RIMS2: variants seen among roughly 807,000 people sequenced by gnomAD.
The protein encoded by RIMS2 is regulating synaptic membrane exocytosis 2.
RIMS2 carries 59 observed loss-of-function variants against 174.4 expected under a neutral mutation model. That is an observed-to-expected ratio of 0.34 (90% CI 0.27 to 0.42). The LOEUF is 0.42. Among genes scored for constraint, RIMS2 ranks in the 10% least tolerant of loss-of-function variants. RIMS2 has a pLI of 1.00. For synonymous variants in RIMS2, 606 were observed against 572.5 expected (o/e 1.06, Z -0.84); for missense variants, 1,620 against 1,666.3 (o/e 0.97, Z 0.48).
At chr8:103,675,310 G>T (rs532205263) in intron 1 of RIMS2, among the ~76,000 whole-genome samples, 1 of 152,166 alleles carries the variant, frequency 6.6e-6, no homozygotes, top group South Asian at 2.1e-4. Flanking sequence ...TGAAGGCCAG[G>T]GCCCATCTGG....
intron 16 of RIMS2, among the ~76,000 whole-genome samples, chr8:103,977,837 A>G (rs1164718772): frequency 1.3e-5 from 2 of 152,250 alleles, no homozygotes; most frequent in East Asian, 3.8e-4. Flanking sequence ...TATAAAAGAT[A>G]TTTTTAAAAA....
At chr8:104,248,767 C>T in exon 21 of RIMS2, 1 of 1,612,728 alleles carries the variant, frequency 6.2e-7, no homozygotes. Flanking sequence ...ATGGCCTTGG[C>T]CCTGCTCAGC....
chr8:104,241,303 G>A (rs1458535551), intron 19 of RIMS2, among the ~76,000 whole-genome samples: 1 of 152,174 alleles, frequency 6.6e-6, no homozygotes, highest in African/African-American at 2.4e-5. Context: ...AGGGAATTAT[G>A]TAAACTTCTG....
chr8:103,667,452 G>A lies in RIMS2; in HGVS notation c.177-29634G>A, dbSNP rs1442233291. 2.6e-5 allele frequency among the ~76,000 whole-genome samples: 4 copies of A among 152,314 alleles called. No homozygotes were observed. The East Asian group carries it at 5.8e-4, about 22-fold the overall frequency. On this transcript the variant is annotated intron_variant, in intron 1 of 23. Coordinates refer to ENST00000504942, the Ensembl canonical transcript of RIMS2. Reference sequence around the variant, plus strand: ...CTGGAATAATGAAGGCCTTCTGGCAGTTTTCTCTTGAACTGATGACGTAGG... The same window carrying A: ...CTGGAATAATGAAGGCCTTCTGGCAATTTTCTCTTGAACTGATGACGTAGG...
At chr8:103,692,412 C>G (rs1316200391) in intron 1 of RIMS2, among the ~76,000 whole-genome samples, 1 of 152,170 alleles carries the variant, frequency 6.6e-6, no homozygotes, top group African/African-American at 2.4e-5. Context: ...GAGCTGGACC[C>G]AAGCCACAAG....
intron 1 of RIMS2, among the ~76,000 whole-genome samples, chr8:103,615,886 T>C (rs2134390822): frequency 6.6e-6 from 1 of 152,156 alleles, no homozygotes; most frequent in South Asian, 2.1e-4. Flanking sequence ...GTAAGTAGCC[T>C]GAAAACCAAA....
At chr8:104,223,141 T>C (rs2138632422) in intron 19 of RIMS2, among the ~76,000 whole-genome samples, 1 of 152,258 alleles carries the variant, frequency 6.6e-6, no homozygotes, top group East Asian at 1.9e-4. Flanking sequence ...TAGTCACCAC[T>C]CCCTGGCCTT....
chr8:103,754,155 C>G (rs1368278700), intron 2 of RIMS2, among the ~76,000 whole-genome samples: 1 of 152,266 alleles, frequency 6.6e-6, no homozygotes, highest in African/African-American at 2.4e-5. Context: ...TTTCAAAGAA[C>G]ATCTTTATTT....
chr8:103,994,995 T>TCCG (rs1269340570), intron 17 of RIMS2, among the ~76,000 whole-genome samples: 1 of 152,026 alleles, frequency 6.6e-6, no homozygotes, highest in African/African-American at 2.4e-5. Flanking sequence ...TAAGTAATTT[T>TCCG]GGAGAAAACC....
At chr8:103,849,702 G>T (rs1278414821) in intron 3 of RIMS2, among the ~76,000 whole-genome samples, 2 of 151,972 alleles carry the variant, frequency 1.3e-5, no homozygotes, top group East Asian at 3.8e-4. Flanking sequence ...AAGGGAAAAT[G>T]TTAGCCATTA....
chr8:104,154,962 A>AC (rs1478064500), intron 19 of RIMS2, among the ~76,000 whole-genome samples: 1 of 93,978 alleles, frequency 1.1e-5, no homozygotes, highest in Admixed American at 1.0e-4. Flanking sequence ...AGTAGAGTTT[A>AC]CTTTTTTTTT....
At chr8:103,825,672 T>C (rs886173306) in intron 3 of RIMS2, among the ~76,000 whole-genome samples, 1 of 152,140 alleles carries the variant, frequency 6.6e-6, no homozygotes, top group African/African-American at 2.4e-5. Flanking sequence ...TTTCTTTTTA[T>C]GAATATGAAT....
chr8:104,093,543 G>A (rs959651634), intron 19 of RIMS2: 3 of 1,597,110 alleles, frequency 1.9e-6, no homozygotes, highest in Non-Finnish European at 2.5e-6. Context: ...TGATGTAAGT[G>A]ATATATCTGC....
At chr8:104,172,036 T>A (rs1013118436) in intron 19 of RIMS2, among the ~76,000 whole-genome samples, 1 of 152,194 alleles carries the variant, frequency 6.6e-6, no homozygotes, top group African/African-American at 2.4e-5. Flanking sequence ...CAGGAATCTC[T>A]TGAAGCTTAT....
intron 17 of RIMS2, among the ~76,000 whole-genome samples, chr8:104,010,456 CTGCATA>C (rs1356782801): frequency 6.6e-6 from 1 of 152,066 alleles, no homozygotes; most frequent in African/African-American, 2.4e-5. Context: ...ATCTCAAAAT[CTGCATA>C]TGCTAATAAT....
chr8:103,698,684 TG>T (rs1306737917), intron 2 of RIMS2, among the ~76,000 whole-genome samples: 2 of 152,138 alleles, frequency 1.3e-5, no homozygotes, highest in African/African-American at 4.8e-5. Context: ...TTGCCTAGGC[TG>T]GACTTGAACT....
chr8:103,537,572 T>C (rs1412414587), intron 1 of RIMS2, among the ~76,000 whole-genome samples: 19 of 150,166 alleles, frequency 1.3e-4, no homozygotes, highest in Admixed American at 1.3e-3. Flanking sequence ...AGCAAATTCA[T>C]TTTTTTTTGC....
At chr8:103,876,864 T>TTTTATATATA (rs1378279723) in intron 3 of RIMS2, among the ~76,000 whole-genome samples, 97 of 67,964 alleles carry the variant, frequency 1.4e-3, no homozygotes, top group South Asian at 2.0e-3. Flanking sequence ...ACACACTATT[T>TTTTATATATA]TATATATATA....
At chr8:104,172,763 A>G (rs1350376371) in intron 19 of RIMS2, among the ~76,000 whole-genome samples, 1 of 152,254 alleles carries the variant, frequency 6.6e-6, no homozygotes, top group Non-Finnish European at 1.5e-5. Context: ...TTGAAGATGT[A>G]GAAGAGGATA....
Sources: gnomAD v4.1 joint callset for allele counts (sites outside exome capture counted in the v4.1 genomes callset) on GRCh38, gnomAD v4.1.1 for gene constraint, MANE v1.5 for transcripts, NCBI Gene and HGNC (gene_info 2026-07-23, HGNC 2026-07-21) for gene names.